ZFYVE26: variants seen among roughly 807,000 people sequenced by gnomAD.
ZFYVE26 encodes the protein zinc finger FYVE domain-containing protein 26.
Under a neutral mutation model 276.5 loss-of-function variants are expected in ZFYVE26, and 181 were observed. The ratio of observed to expected loss-of-function variants is 0.65; its 90% CI spans 0.58 to 0.74. The LOEUF (loss-of-function observed/expected upper bound fraction) is 0.74. Among genes scored for constraint, ZFYVE26 ranks in the 30% least tolerant of loss-of-function variants. ZFYVE26 has a pLI of 0.00. For synonymous variants in ZFYVE26, 1,129 were observed against 1,203.1 expected, an observed-to-expected ratio of 0.94 and a Z score of 1.27; for missense variants, 2,821 against 3,097.9, an observed-to-expected ratio of 0.91 and a Z score of 2.12.
Position 67,748,327 on chromosome 14 carries a change from G to A in ZFYVE26, c.*109C>T, listed in dbSNP as rs1048940134. Reference sequence around the variant, plus strand: ...TCCAATCCAACTCTTTCCAACCTAGGGCAGAGCCAGAGAAGTCCCACTCCA... The same window carrying A: ...TCCAATCCAACTCTTTCCAACCTAGAGCAGAGCCAGAGAAGTCCCACTCCA... On this transcript the variant is annotated 3_prime_UTR_variant, in exon 42 of 42. Coordinates refer to ENST00000347230, the MANE Select transcript of ZFYVE26 (RefSeq NM_015346.4). The A allele has an allele frequency of 5.5e-6, 7 of 1,284,004 alleles. No homozygotes were observed. The African/African-American group carries it at 8.8e-5, about 16-fold the overall frequency. 79.5% of individuals were successfully genotyped at this position (1,284,004 alleles called of 1,614,324 possible).
At chr14:67,744,890 T>C (rs561672935), downstream of ZFYVE26, among the ~76,000 whole-genome samples, 44 of 152,326 alleles carry the variant, frequency 2.9e-4, no homozygotes, top group African/African-American at 9.1e-4. Context: ...GCATGTCTCT[T>C]TATAGTAGAA....
At chr14:67,797,550 T>C (rs2039980325) in intron 12 of ZFYVE26, 122 bp downstream of exon 12, 4 of 1,086,904 alleles carry the variant, frequency 3.7e-6, no homozygotes, top group Non-Finnish European at 5.5e-6. Flanking sequence ...CTTGAGGGAG[T>C]GGGAATAGGA....
chr14:67,793,514 C>A (rs2039874068), intron 14 of ZFYVE26, 94 bp downstream of exon 14: 1 of 1,437,426 alleles, frequency 7.0e-7, no homozygotes, highest in Admixed American at 2.0e-5. Flanking sequence ...GATGTGGACC[C>A]CTGAGTGCTC....
intron 1 of ZFYVE26, 38 bp from the exon 2 acceptor site, chr14:67,816,084 G>T: frequency 1.2e-6 from 1 of 806,168 alleles, no homozygotes; most frequent in Non-Finnish European, 1.9e-6. Context: ...GAAACAGAAG[G>T]CACTGTATTA....
intron 41 of ZFYVE26, among the ~76,000 whole-genome samples, chr14:67,748,840 T>C (rs1484202203): frequency 3.3e-5 from 5 of 152,140 alleles, no homozygotes; most frequent in African/African-American, 1.2e-4. Context: ...TTTTATAGTG[T>C]AAAAAGTTAT....
chr14:67,776,148 C>T, intron 25 of ZFYVE26, 42 bp from the exon 26 acceptor site: 1 of 1,612,674 alleles, frequency 6.2e-7, no homozygotes, highest in Non-Finnish European at 8.5e-7. Context: ...AAATAGTACA[C>T]AAATTTCAGA....
chr14:67,744,577 C>T (rs747616520), downstream of ZFYVE26, among the ~76,000 whole-genome samples: 2 of 152,086 alleles, frequency 1.3e-5, no homozygotes, highest in Non-Finnish European at 2.9e-5. Flanking sequence ...TTCCCACCCA[C>T]GACAGGCCCC....
In ZFYVE26 at chr14:67,807,786, C is replaced by A; in HGVS notation, c.498G>T (p.Gln166His). The part of the protein sequence containing the change: ...VLWDLLRQSP[Q>H]PAQALLELLL... Reference sequence around the variant, plus strand: ...GGAGCTCCAGCAGGGCCTGTGCTGGCTGGGGAGACTGCCTCAGGAGATCCC... The same window carrying A: ...GGAGCTCCAGCAGGGCCTGTGCTGGATGGGGAGACTGCCTCAGGAGATCCC... The change falls in exon 5 of 42, where the codon CAG (glutamine) becomes CAT (histidine). Residue 166 changes from glutamine to histidine, a missense_variant. Physicochemically the swap from Gln to His is conservative, Grantham distance 24 (BLOSUM62 0). Coordinates refer to ENST00000347230, the MANE Select transcript of ZFYVE26 (RefSeq NM_015346.4). 1.2e-6 allele frequency: 2 copies of A among 1,614,182 alleles called. No homozygotes were observed. The highest frequency in any genetic ancestry group is 1.7e-6 in the Non-Finnish European group (2 of 1,180,020).
chr14:67,804,670 A>C (rs1350975943), intron 8 of ZFYVE26, among the ~76,000 whole-genome samples: 1 of 152,220 alleles, frequency 6.6e-6, no homozygotes, highest in South Asian at 2.1e-4. Flanking sequence ...AGTGAAGAAC[A>C]AGATAGAAAC....
intron 13 of ZFYVE26, chr14:67,735,294 T>G: frequency 1.2e-6 from 1 of 866,964 alleles, no homozygotes; most frequent in Non-Finnish European, 2.0e-6. Flanking sequence ...TCAGGCTACA[T>G]CTCACCTCTC....
In ZFYVE26 at chr14:67,789,570, C is replaced by G; in HGVS notation, c.2784G>C (p.Val928=). 1.2e-6 allele frequency: 2 copies of G among 1,614,122 alleles called. No homozygotes were observed. Among genetic ancestry groups the G allele is most frequent in the Non-Finnish European group, 1.7e-6 (2 of 1,180,026 alleles). ...CAGAGGTGTTGAGCAGCTTGTCAGT[C>G]ACGTCAGAGATAGAGTAAAACACCA... is the stretch of plus-strand genomic sequence containing the variant. The part of the protein sequence containing the change: ...AGMVFYSISD[V]TDKLLNTSGD... Residue 928 remains valine, a synonymous_variant, in exon 16 of 42, where the codon GTG becomes GTC. Transcript: ENST00000347230.
chr14:67,767,911 G>T, intron 30 of ZFYVE26, 71 bp from the exon 31 acceptor site: 1 of 1,608,246 alleles, frequency 6.2e-7, no homozygotes, highest in Non-Finnish European at 8.5e-7. Flanking sequence ...CCAGTGAGCT[G>T]GCATGAGTTG....
chr14:67,769,447 T>C, intron 29 of ZFYVE26, 147 bp downstream of exon 29: 1 of 1,243,566 alleles, frequency 8.0e-7, no homozygotes. Flanking sequence ...GTACAAACCC[T>C]TCAGTGTAGA....
In ZFYVE26 at chr14:67,785,259, A is replaced by G; in HGVS notation, c.3323T>C (p.Leu1108Pro). The G allele has an allele frequency of 6.2e-7, 1 of 1,608,794 alleles. No homozygotes were observed. The highest frequency in any genetic ancestry group is 8.5e-7 in the Non-Finnish European group (1 of 1,177,340). ...GGCTGCCTGCTCCACCAGGGAAGAC[A>G]GTGGAGGAGTCCTGGGCTCTGAGAG... ...LELPEPRTPP[L>P]SSLVEQAAQK... Residue 1108 changes from leucine to proline, a missense_variant, in exon 19 of 42, where the codon CTG becomes CCG. Physicochemically the swap from Leu to Pro is moderately conservative, Grantham distance 98. Transcript: ENST00000347230.
At position 67,807,601 on chromosome 14, in the gene ZFYVE26, G is replaced by C. The variant is rs2040210212; in HGVS notation, c.683C>G (p.Pro228Arg). Residue 228 changes from proline to arginine, a missense_variant, in exon 5 of 42, where the codon CCC becomes CGC. By Grantham distance (103) the Pro-to-Arg change is moderately radical (BLOSUM62 -2). Coordinates refer to ENST00000347230, the MANE Select transcript of ZFYVE26 (RefSeq NM_015346.4). ...CAACTCAACCCCAAGTGGTTCTGCG[G>C]GGCAACGCAGAGTCCGCAGGGCTCC... ...IYGALRTLRC[P>R]AEPLGVELHL... 1 of 1,614,202 alleles carries C rather than the reference G, an allele frequency of 6.2e-7. No homozygotes were observed. Among genetic ancestry groups the C allele is most frequent in the African/African-American group, 1.3e-5 (1 of 75,050 alleles).
At chr14:67,729,236 C>T in exon 14 of ZFYVE26, 1 of 1,611,062 alleles carries the variant, frequency 6.2e-7, no homozygotes, top group South Asian at 1.1e-5. Flanking sequence ...GTCGTCCGCT[C>T]TGAGCTGGTC....
chr14:67,743,591 T>A (rs1369686754), downstream of ZFYVE26, among the ~76,000 whole-genome samples: 2 of 152,118 alleles, frequency 1.3e-5, no homozygotes, highest in Non-Finnish European at 2.9e-5. Flanking sequence ...AGAAGGAAGT[T>A]CAGGTTTGTG....
At chr14:67,767,958 C>T in intron 30 of ZFYVE26, 118 bp from the exon 31 acceptor site, 3 of 1,417,042 alleles carry the variant, frequency 2.1e-6, no homozygotes, top group South Asian at 2.4e-5. Context: ...GGGCCCCTTT[C>T]TCTCTCCTTG....
At chr14:67,778,000 G>T in intron 24 of ZFYVE26, 126 bp downstream of exon 24, 1 of 1,427,084 alleles carries the variant, frequency 7.0e-7, no homozygotes, top group Non-Finnish European at 9.8e-7. Flanking sequence ...ACTATAACCA[G>T]CTCCTGAAAG....
Sources: allele counts gnomAD v4.1 joint callset (sites outside exome capture counted in the v4.1 genomes callset), GRCh38; gene constraint gnomAD v4.1.1; transcripts MANE v1.5; gene names NCBI Gene and HGNC (gene_info 2026-07-23, HGNC 2026-07-21).